The following TENM3 variants were observed in gnomAD, a reference collection of about 807,000 sequenced individuals.
The protein encoded by TENM3 is teneurin-3.
TENM3 carries 63 observed loss-of-function variants against 255.1 expected under a neutral mutation model. The ratio of observed to expected loss-of-function variants is 0.25; its 90% CI spans 0.20 to 0.30. The LOEUF (loss-of-function observed/expected upper bound fraction) is 0.30. TENM3 is among the 10% of genes least tolerant of loss of function. The pLI, the probability that TENM3 is intolerant of heterozygous loss-of-function variation, is 1.00. For synonymous variants in TENM3, 1,306 were observed against 1,322.3 expected (o/e 0.99, Z 0.27); for missense variants, 2,929 against 3,461.1 (o/e 0.85, Z 3.86).
intron 1 of TENM3, among the ~76,000 whole-genome samples, chr4:182,202,104 A>G (rs574842183): frequency 7.2e-5 from 11 of 152,292 alleles, no homozygotes; most frequent in African/African-American, 2.6e-4. Context: ...CCCTGTGCCA[A>G]TGGGATTGGT....
the TENM3 span, among the ~76,000 whole-genome samples, chr4:181,882,866 A>C: frequency 6.6e-6 from 1 of 152,218 alleles, no homozygotes; most frequent in Non-Finnish European, 1.5e-5. Context: ...AATGACTTAT[A>C]ATCATCAGAT....
chr4:182,143,995 A>G (rs1409912549), upstream of TENM3: 1 of 152,638 alleles, frequency 6.6e-6, no homozygotes, highest in Non-Finnish European at 1.5e-5. The surrounding 1 kb of genome is among the most constrained non-coding windows in gnomAD (Gnocchi z 4.3). Context: ...AGAAAAAGGC[A>G]GTAAACGGGG....
the TENM3 span, among the ~76,000 whole-genome samples, chr4:182,015,947 A>C: frequency 6.6e-6 from 1 of 152,336 alleles, no homozygotes; most frequent in African/African-American, 2.4e-5. Flanking sequence ...GTTCTTTAAA[A>C]GTCTATTAAC....
chr4:181,708,682 C>G, the TENM3 span, among the ~76,000 whole-genome samples: 1 of 151,324 alleles, frequency 6.6e-6, no homozygotes, highest in Non-Finnish European at 1.5e-5. Flanking sequence ...CTTGGCTATG[C>G]CTTTAAAAAA....
intron 12 of TENM3, among the ~76,000 whole-genome samples, chr4:182,708,970 T>G (rs181657997): frequency 0.013 from 1,570 of 121,690 alleles, 31 homozygotes; most frequent in African/African-American, 0.034. Context: ...AAGCAGTGGG[T>G]TTTTTTTTGT....
At chr4:182,744,089 CTTTCTTTTTTTTTT>C (rs2152736583) in intron 19 of TENM3, 1 of 471,982 alleles carries the variant, frequency 2.1e-6, no homozygotes, top group African/African-American at 3.6e-5. Context: ...TCTAACTGTG[CTTTCTTTTTTTTTT>C]TTTTTTTTTT....
the TENM3 span, among the ~76,000 whole-genome samples, chr4:181,806,331 T>C: frequency 6.6e-6 from 1 of 152,202 alleles, no homozygotes; most frequent in Admixed American, 6.5e-5. Flanking sequence ...AATTCTGCCC[T>C]TTATTTCCTC....
At chr4:181,570,140 G>C in the TENM3 span, among the ~76,000 whole-genome samples, 7 of 149,532 alleles carry the variant, frequency 4.7e-5, no homozygotes, top group African/African-American at 1.8e-4. Context: ...CCGCCTCCCG[G>C]GTTCACGCCA....
chr4:182,711,902 CT>C (rs1267585599), intron 12 of TENM3, among the ~76,000 whole-genome samples: 2 of 151,448 alleles, frequency 1.3e-5, no homozygotes, highest in Admixed American at 6.6e-5. Context: ...TCTTTCTTTT[CT>C]TTTTTTTAAG....
chr4:182,244,526 A>C (rs531386556), intron 1 of TENM3, among the ~76,000 whole-genome samples: 3 of 152,248 alleles, frequency 2.0e-5, no homozygotes, highest in African/African-American at 7.2e-5. Context: ...AGGGTAGCTA[A>C]TGTTATTTTT....
upstream of TENM3, among the ~76,000 whole-genome samples, chr4:182,139,994 A>G (rs1302602317): frequency 6.6e-6 from 1 of 152,260 alleles, no homozygotes; most frequent in African/African-American, 2.4e-5. Flanking sequence ...GTTTTCCTCT[A>G]CAAACAGTCA....
chr4:182,673,151 A>C lies in TENM3; in HGVS notation c.1258A>C (p.Ile420Leu), dbSNP rs376960815. 1.2e-4 allele frequency: 200 copies of C among 1,613,736 alleles called. No individual in the cohort carries two copies. The highest frequency in any genetic ancestry group is 1.6e-4 in the Non-Finnish European group (189 of 1,179,794). Residue 420 changes from isoleucine (I) to leucine (L), a missense_variant, in exon 7 of 28, where the codon ATC becomes CTC. By Grantham distance (5) the Ile-to-Leu change is conservative. Around this residue, in one of 6 missense-constraint regions of TENM3, gnomAD observed 1,608 missense variants for 1,884.4 expected, o/e 0.85. Coordinates refer to ENST00000511685, the MANE Select transcript of TENM3 (RefSeq NM_001080477.4). ...TCAGCCACAGTTTCTTAAATTCAAT[A>C]TCTCTCTTCAGAAGGATGCATTGAT... ...IDQPQFLKFN[I>L]SLQKDALIGV...
intron 13 of TENM3, among the ~76,000 whole-genome samples, chr4:182,723,575 T>C (rs1759917191): frequency 6.6e-6 from 1 of 152,032 alleles, no homozygotes; most frequent in African/African-American, 2.4e-5. Flanking sequence ...AGTGAGAGTA[T>C]TGACAAGCAG....
At chr4:182,361,557 G>A (rs1317254531) in intron 3 of TENM3, among the ~76,000 whole-genome samples, 1 of 151,994 alleles carries the variant, frequency 6.6e-6, no homozygotes, top group Non-Finnish European at 1.5e-5. Context: ...TCGAGCCTTG[G>A]CTTTCAGCTC....
chr4:181,855,689 A>C, the TENM3 span, among the ~76,000 whole-genome samples: 1 of 152,208 alleles, frequency 6.6e-6, no homozygotes, highest in Non-Finnish European at 1.5e-5. Flanking sequence ...TAAGATGTAG[A>C]AACTAGTTAA....
intron 2 of TENM3, among the ~76,000 whole-genome samples, chr4:182,327,950 T>G (rs1763515698): frequency 6.6e-6 from 1 of 152,200 alleles, no homozygotes; most frequent in Admixed American, 6.5e-5. Flanking sequence ...TTCTGTAGTA[T>G]TCTTGACCAA....
chr4:182,102,613 T>C, the TENM3 span, among the ~76,000 whole-genome samples: 1 of 152,200 alleles, frequency 6.6e-6, no homozygotes, highest in Non-Finnish European at 1.5e-5. Context: ...CACGTGTCTG[T>C]GGATAAATAA....
At chr4:181,460,377 A>G in the TENM3 span, among the ~76,000 whole-genome samples, 21 of 152,092 alleles carry the variant, frequency 1.4e-4, no homozygotes, top group African/African-American at 3.6e-4. Context: ...ATCTTTCACC[A>G]TTAACATGAC....
intron 1 of TENM3, chr4:182,144,823 G>C (rs1250091510): frequency 6.6e-6 from 1 of 150,992 alleles, no homozygotes; most frequent in Non-Finnish European, 1.5e-5. Context: ...CCGCGGCGCC[G>C]GGAGCTGGCG....
Sources: allele counts gnomAD v4.1 joint callset (sites outside exome capture counted in the v4.1 genomes callset), GRCh38; gene constraint gnomAD v4.1.1; regional missense constraint gnomAD v4.1.1; non-coding constraint Gnocchi (gnomAD v3.1); transcripts MANE v1.5; gene names NCBI Gene and HGNC (gene_info 2026-07-23, HGNC 2026-07-21).